Variants in CES5A observed in about 807,000 individuals in gnomAD.
CES5A encodes carboxylesterase 5A.
A neutral mutation model predicts 62.9 loss-of-function variants in CES5A; 67 were observed. The ratio of observed to expected loss-of-function variants is 1.07; its 90% CI spans 0.88 to 1.31. The LOEUF (loss-of-function observed/expected upper bound fraction) is 1.31. Among genes scored for constraint, CES5A ranks in the 50% most tolerant of loss-of-function variants. The pLI is 0.00. For synonymous variants in CES5A, 296 were observed against 280.8 expected, an observed-to-expected ratio of 1.05 and a Z score of -0.54; for missense variants, 748 against 708.5, an observed-to-expected ratio of 1.06 and a Z score of -0.63.
intron 1 of CES5A, among the ~76,000 whole-genome samples, chr16:55,916,177 A>G (rs2034146604): frequency 6.6e-6 from 1 of 152,200 alleles, no homozygotes; most frequent in Admixed American, 6.5e-5. Flanking sequence ...CAGAAATGCA[A>G]ACACCTGAAA....
At chr16:55,892,690 T>C (rs972981771) in intron 1 of CES5A, among the ~76,000 whole-genome samples, 1 of 151,680 alleles carries the variant, frequency 6.6e-6, no homozygotes, top group South Asian at 2.1e-4. Context: ...ATAGAAGCTT[T>C]TAAAAGCTCA....
chr16:55,950,479 T>C (rs1166263234), intron 1 of CES5A, among the ~76,000 whole-genome samples: 1 of 152,048 alleles, frequency 6.6e-6, no homozygotes, highest in Admixed American at 6.5e-5. Flanking sequence ...AAAAAATCAA[T>C]ATATGAACTG....
chr16:55,903,064 C>T (rs535788448), intron 1 of CES5A, among the ~76,000 whole-genome samples: 2 of 152,166 alleles, frequency 1.3e-5, no homozygotes, highest in African/African-American at 4.8e-5. Context: ...AGGCATCAGT[C>T]TGAAATGAGA....
At chr16:55,881,261 G>A (rs1296988398) in intron 1 of CES5A, among the ~76,000 whole-genome samples, 1 of 152,118 alleles carries the variant, frequency 6.6e-6, no homozygotes, top group African/African-American at 2.4e-5. Flanking sequence ...CAGTAACCAG[G>A]GCCAGGCTTA....
chr16:55,871,695 C>T lies in CES5A; in HGVS notation c.347G>A (p.Gly116Glu). 1.2e-6 allele frequency: 2 copies of T among 1,614,126 alleles called. No homozygotes were observed. Among genetic ancestry groups the T allele is most frequent in the Non-Finnish European group, 1.7e-6 (2 of 1,180,014 alleles). The stretch of plus-strand genomic sequence containing the variant: ...CAGGTAGAGGCAGTCTTCTGACACT[C>T]CGAATTTCGGGTAATGCACCTTGAG... The part of the protein sequence containing the change: ...HMLKVHYPKF[G>E]VSEDCLYLNI... The change falls in exon 3 of 13, where the codon GGA (glycine) becomes GAA (glutamate). Residue 116 changes from glycine to glutamate, a missense_variant. Physicochemically the swap from Gly to Glu is moderately conservative, Grantham distance 98. Transcript: ENST00000290567.
At chr16:55,952,826 C>A (rs2034572924) in intron 1 of CES5A, among the ~76,000 whole-genome samples, 1 of 152,078 alleles carries the variant, frequency 6.6e-6, no homozygotes, top group Non-Finnish European at 1.5e-5. Flanking sequence ...TGGTCAAGTT[C>A]TAGCAAACAT....
At chr16:55,948,408 T>C (rs991422802) in intron 2 of CES5A, among the ~76,000 whole-genome samples, 7 of 152,070 alleles carry the variant, frequency 4.6e-5, no homozygotes, top group African/African-American at 1.7e-4. Flanking sequence ...TTACATAAGA[T>C]AAAGTAAACA....
In CES5A at chr16:55,861,504, C is replaced by A; in HGVS notation, c.823G>T (p.Ala275Ser). 2 of 1,610,970 alleles carry A rather than the reference C, an allele frequency of 1.2e-6. No individual in the cohort carries two copies. Among genetic ancestry groups the A allele is most frequent in the Non-Finnish European group, 1.7e-6 (2 of 1,177,140 alleles). ...YEKSEDLQVV[A>S]HFCGNNASDS... ...GACGCATTGTTACCACAGAAATGTG[C>A]AACCACCTGCAGCTATTTTGTAGAG... The change falls in exon 7 of 13, where the codon GCA (alanine) becomes TCA (serine). Residue 275 changes from alanine (A) to serine (S), a missense_variant. Ala to Ser is a moderately conservative substitution (Grantham distance 99). Transcript: ENST00000290567.
In CES5A at chr16:55,846,499, T is replaced by G. The variant is rs141258202; in HGVS notation, c.1680A>C (p.Leu560Phe). 4.4e-4 allele frequency: 702 copies of G among 1,613,784 alleles called. 1 individual carries two copies. Among genetic ancestry groups the G allele is most frequent in the Non-Finnish European group, 5.6e-4 (659 of 1,179,914 alleles). The stretch of plus-strand genomic sequence containing the variant: ...AAGGCTGGAGGAGAGAGAGGAAAGT[T>G]AAGGAAGAAAGAGGACTGTGGAGCA... ...SDMLHSPLSS[L>F]TFLSLLQPFF... The change falls in exon 13 of 13, where the codon TTA (leucine) becomes TTC (phenylalanine). Residue 560 changes from leucine to phenylalanine, a missense_variant. Leu to Phe is a conservative substitution (Grantham distance 22). Coordinates refer to ENST00000290567, the MANE Select transcript of CES5A (RefSeq NM_001143685.2).
chr16:55,864,132 A>T (rs148178067), intron 5 of CES5A, among the ~76,000 whole-genome samples: 5 of 152,326 alleles, frequency 3.3e-5, no homozygotes, highest in Non-Finnish European at 5.9e-5. Context: ...TGTTGTGAGG[A>T]GCAGGGGAGG....
chr16:55,934,489 T>C (rs1199971526), intron 2 of CES5A, among the ~76,000 whole-genome samples: 1 of 152,234 alleles, frequency 6.6e-6, no homozygotes, highest in Non-Finnish European at 1.5e-5. Flanking sequence ...TGTTTCCCAC[T>C]GCATGGGGAT....
intron 3 of CES5A, 68 bp from the exon 4 acceptor site, chr16:55,869,812 G>T (rs2033546417): frequency 4.6e-6 from 7 of 1,523,408 alleles, no homozygotes; most frequent in South Asian, 1.3e-5. Flanking sequence ...GCAGTTTGAG[G>T]CACACGTTCT....
chr16:55,882,319 T>C (rs1250289360), intron 1 of CES5A, among the ~76,000 whole-genome samples: 2 of 152,200 alleles, frequency 1.3e-5, no homozygotes, highest in South Asian at 2.1e-4. Context: ...GGTCCAGCAT[T>C]TTTTTGATAC....
chr16:55,906,600 G>A (rs2034041915), intron 1 of CES5A, among the ~76,000 whole-genome samples: 1 of 152,236 alleles, frequency 6.6e-6, no homozygotes, highest in South Asian at 2.1e-4. Flanking sequence ...TTCCTTTGAG[G>A]GAAGCCACGG....
intron 8 of CES5A, among the ~76,000 whole-genome samples, chr16:55,858,260 C>A (rs1412400611): frequency 6.6e-6 from 1 of 152,182 alleles, no homozygotes. Context: ...AAATTATACA[C>A]CCCTGTCTCC....
chr16:55,939,946 A>G (rs1267122085), intron 2 of CES5A, among the ~76,000 whole-genome samples: 1 of 152,160 alleles, frequency 6.6e-6, no homozygotes, highest in African/African-American at 2.4e-5. Context: ...AGAAGCCCCA[A>G]GAAATATGAG....
In CES5A at chr16:55,874,022, C is replaced by T. The variant is rs2033650948; in HGVS notation, c.89G>A (p.Gly30Glu). ...AAPTKGPSAE[G>E]PQRNTRLGWI... ...TCCCAGCCTGGTGTTCCTCTGTGGC[C>T]CTTCAGCAGAAGGCCCTGCGGGAAC... Residue 30 changes from glycine (G) to glutamate (E), a missense_variant, in exon 2 of 13, where the codon GGG (glycine) becomes GAG (glutamate). Transcript: ENST00000290567. 2 of 1,605,584 alleles carry T rather than the reference C, an allele frequency of 1.2e-6. No individual in the cohort carries two copies. Among genetic ancestry groups the T allele is most frequent in the South Asian group, 1.1e-5 (1 of 89,086 alleles).
chr16:55,870,384 G>T (rs1226847119), intron 3 of CES5A, among the ~76,000 whole-genome samples: 1 of 151,938 alleles, frequency 6.6e-6, no homozygotes, highest in Admixed American at 6.6e-5. Flanking sequence ...GAGAAAGGAT[G>T]AAAAATGAAG....
intron 2 of CES5A, among the ~76,000 whole-genome samples, chr16:55,946,322 G>T (rs1488052373): frequency 1.3e-5 from 2 of 151,986 alleles, no homozygotes; most frequent in African/African-American, 4.8e-5. Flanking sequence ...CAAGGGCAGG[G>T]TTACCAGCTC....
Sources: allele counts gnomAD v4.1 joint callset (sites outside exome capture counted in the v4.1 genomes callset), GRCh38; gene constraint gnomAD v4.1.1; transcripts MANE v1.5; gene names NCBI Gene and HGNC (gene_info 2026-07-23, HGNC 2026-07-21).